UGT1A8: variants seen among roughly 807,000 people sequenced by gnomAD.
The protein encoded by UGT1A8 is UDP-glucuronosyltransferase 1A8.
UGT1A8 carries 39 observed loss-of-function variants against 45.3 expected under a neutral mutation model. The ratio of observed to expected loss-of-function variants is 0.86; its 90% CI spans 0.67 to 1.12. The LOEUF is 1.12. Among genes scored for constraint, UGT1A8 ranks in the 50% most tolerant of loss-of-function variants. The pLI, the probability that UGT1A8 is intolerant of heterozygous loss-of-function variation, is 0.00. For missense variants in UGT1A8, 719 were observed against 664.9 expected (o/e 1.08, Z -0.90); for synonymous variants, 275 against 249.2 (o/e 1.10, Z -0.97).
intron 1 of UGT1A8, chr2:233,672,004 G>C (rs777189828): frequency 6.2e-7 from 1 of 1,614,110 alleles, no homozygotes. Context: ...TGGCTTTGCC[G>C]AGGCAGGGAA....
At chr2:233,711,035 C>T (rs1430661995) in intron 1 of UGT1A8, among the ~76,000 whole-genome samples, 1 of 152,156 alleles carries the variant, frequency 6.6e-6, no homozygotes, top group East Asian at 1.9e-4. Context: ...TCTGGGGTGA[C>T]CTCACTGACA....
At chr2:233,695,469 T>G (rs2075291280) in intron 1 of UGT1A8, among the ~76,000 whole-genome samples, 2 of 151,992 alleles carry the variant, frequency 1.3e-5, no homozygotes, top group African/African-American at 4.8e-5. Flanking sequence ...TATTGGCCCT[T>G]TAGATGTTTT....
intron 1 of UGT1A8, among the ~76,000 whole-genome samples, chr2:233,687,041 C>T (rs377057958): frequency 2.0e-4 from 30 of 152,200 alleles, no homozygotes; most frequent in Admixed American, 5.2e-4. Context: ...AGTGTTTGAG[C>T]ACGCGGACCC....
chr2:233,674,617 A>G (rs2074290357), intron 1 of UGT1A8, among the ~76,000 whole-genome samples: 6 of 150,600 alleles, frequency 4.0e-5, no homozygotes, highest in African/African-American at 1.5e-4. Flanking sequence ...ATCAAACTAT[A>G]TATGGTTTCA....
chr2:233,760,168 C>A, intron 1 of UGT1A8: 1 of 1,526,138 alleles, frequency 6.6e-7, no homozygotes, highest in Non-Finnish European at 8.8e-7. Flanking sequence ...CCTTTGTGGA[C>A]TGACAGCTTT....
chr2:233,761,536 A>C (rs1039884807), intron 1 of UGT1A8, among the ~76,000 whole-genome samples: 1 of 152,248 alleles, frequency 6.6e-6, no homozygotes, highest in Non-Finnish European at 1.5e-5. Context: ...TGATGAAATC[A>C]TTCTTTGATG....
chr2:233,693,110 G>A (rs781199521), intron 1 of UGT1A8: 92 of 1,614,038 alleles, frequency 5.7e-5, no homozygotes, highest in African/African-American at 1.1e-4. Context: ...CCCTCAGGAC[G>A]GAAGCCACTG....
chr2:233,619,597 C>A (rs1311480709), intron 1 of UGT1A8, among the ~76,000 whole-genome samples: 2 of 152,054 alleles, frequency 1.3e-5, no homozygotes, highest in African/African-American at 4.8e-5. Flanking sequence ...TAAAAATTTT[C>A]ACTATATAAG....
At chr2:233,671,467 T>C (rs1302653798) in intron 1 of UGT1A8, among the ~76,000 whole-genome samples, 2 of 152,208 alleles carry the variant, frequency 1.3e-5, no homozygotes, top group Non-Finnish European at 2.9e-5. Flanking sequence ...AGGTCAGTGC[T>C]AAGGGCCTTG....
chr2:233,731,267 C>G (rs969941483), intron 1 of UGT1A8, among the ~76,000 whole-genome samples: 13 of 149,924 alleles, frequency 8.7e-5, no homozygotes, highest in Admixed American at 3.3e-4. Context: ...TGACTGTTGC[C>G]CTTCCAGTTT....
intron 1 of UGT1A8, chr2:233,648,509 G>A: frequency 6.3e-6 from 1 of 157,682 alleles, no homozygotes; most frequent in South Asian, 2.0e-4. Context: ...CACCCAGGCT[G>A]GAGTGCAGTG....
At chr2:233,686,603 T>C (rs1019281433) in intron 1 of UGT1A8, among the ~76,000 whole-genome samples, 2 of 151,706 alleles carry the variant, frequency 1.3e-5, no homozygotes, top group African/African-American at 2.4e-5. Context: ...TCTTTGACTG[T>C]CTCTCTCTCT....
At chr2:233,662,188 G>A (rs1197238238) in intron 1 of UGT1A8, among the ~76,000 whole-genome samples, 3 of 152,264 alleles carry the variant, frequency 2.0e-5, no homozygotes, top group East Asian at 1.9e-4. Context: ...GTGTGCATAA[G>A]TTTTGATAAA....
intron 1 of UGT1A8, among the ~76,000 whole-genome samples, chr2:233,723,536 T>TTC (rs1553611580): frequency 8.2e-6 from 1 of 121,444 alleles, no homozygotes; most frequent in Non-Finnish European, 1.6e-5. Context: ...TTTTTTTTTT[T>TTC]AATTTATTTT....
chr2:233,621,759 C>A (rs1259719869), intron 1 of UGT1A8, among the ~76,000 whole-genome samples: 1 of 151,920 alleles, frequency 6.6e-6, no homozygotes, highest in Non-Finnish European at 1.5e-5. Context: ...ACTTTAAGTT[C>A]TAGGGTACAT....
chr2:233,690,711 A>T, intron 1 of UGT1A8: 1 of 1,222,700 alleles, frequency 8.2e-7, no homozygotes, highest in Admixed American at 3.2e-5. Context: ...GATCGTCATT[A>T]TGACGAACAG....
intron 1 of UGT1A8, among the ~76,000 whole-genome samples, chr2:233,664,008 G>T (rs17862854): frequency 0.041 from 6,178 of 152,188 alleles, 150 homozygotes; most frequent in Non-Finnish European, 0.061. Context: ...ATACTTTACT[G>T]CTTAGAAATT....
At chr2:233,723,995 T>G (rs1311992606) in intron 1 of UGT1A8, among the ~76,000 whole-genome samples, 3 of 71,382 alleles carry the variant, frequency 4.2e-5, no homozygotes, top group Admixed American at 3.7e-4. Flanking sequence ...CGCCTTTCTA[T>G]TCCACAAAGC....
chr2:233,629,160 T>C (rs1367797863), intron 1 of UGT1A8, among the ~76,000 whole-genome samples: 1 of 152,120 alleles, frequency 6.6e-6, no homozygotes, highest in Non-Finnish European at 1.5e-5. Flanking sequence ...CATTCCACTC[T>C]TTTATTCTAC....
Sources: allele counts gnomAD v4.1 joint callset (sites outside exome capture counted in the v4.1 genomes callset), GRCh38; gene constraint gnomAD v4.1.1; transcripts MANE v1.5; gene names NCBI Gene and HGNC (gene_info 2026-07-23, HGNC 2026-07-21).